EZR: variants seen among roughly 807,000 people sequenced by gnomAD.
The protein encoded by EZR is cytovillin 2.
A neutral mutation model predicts 74.8 loss-of-function variants in EZR; 40 were observed. That is an observed-to-expected ratio of 0.53 (90% confidence interval 0.42 to 0.70). The LOEUF (loss-of-function observed/expected upper bound fraction) is 0.70, where lower values mean the gene tolerates loss of function less well. Ranked by LOEUF, EZR falls within the 30% of genes least tolerant of loss-of-function variation. The pLI is 0.00. For missense variants in EZR, 678 were observed against 755.8 expected (o/e 0.90, Z 1.21); for synonymous variants, 341 against 283.3 (o/e 1.20, Z -2.05).
chr6:158,804,284 AAAAG>A, intron 2 of EZR, among the ~76,000 whole-genome samples: 1 of 152,358 alleles, frequency 6.6e-6, no homozygotes, highest in East Asian at 1.9e-4. Context: ...TAAGAAAGGG[AAAAG>A]AAATAATCAA....
At position 158,776,513 on chromosome 6, in the gene EZR, A is replaced by G; in HGVS notation, c.699-9T>C. 1 of 1,600,558 alleles carries G rather than the reference A, an allele frequency of 6.2e-7. No homozygotes were observed. The highest frequency in any genetic ancestry group is 8.5e-7 in the Non-Finnish European group (1 of 1,171,352). On this transcript the variant is annotated splice_polypyrimidine_tract_variant and intron_variant, in intron 7 of 13. Coordinates refer to ENST00000367075, the MANE Select transcript of EZR (RefSeq NM_001111077.2). Reference sequence around the variant, plus strand: ...CAATCTTTGGGGTTAACCTGAGGTTAAAAAGAAGAAGTGGATGGTTAGATG... The same window carrying G: ...CAATCTTTGGGGTTAACCTGAGGTTGAAAAGAAGAAGTGGATGGTTAGATG...
chr6:158,791,871 G>A (rs1791757802), intron 2 of EZR, among the ~76,000 whole-genome samples: 1 of 151,788 alleles, frequency 6.6e-6, no homozygotes, highest in Non-Finnish European at 1.5e-5. Flanking sequence ...ACAACACCCA[G>A]CTAATTTTTT....
intron 2 of EZR, among the ~76,000 whole-genome samples, chr6:158,800,918 C>T (rs1180787842): frequency 6.6e-6 from 1 of 152,146 alleles, no homozygotes; most frequent in Non-Finnish European, 1.5e-5. Context: ...TTAAATTATA[C>T]CTGATTATTT....
intron 2 of EZR, among the ~76,000 whole-genome samples, chr6:158,797,518 T>C (rs753383662): frequency 5.3e-5 from 8 of 152,158 alleles, no homozygotes; most frequent in Non-Finnish European, 1.0e-4. Context: ...TGACCTTCCA[T>C]ATCATTTAAA....
In EZR at chr6:158,776,326, G is replaced by T; in HGVS notation, c.795+82C>A. The stretch of plus-strand genomic sequence containing the variant: ...GAGTTTGGACTATCACTGGCTACTC[G>T]TCACAGTATAACTTGTCCGTTACCC... On this transcript the variant is annotated intron_variant, in intron 8 of 13. Transcript: ENST00000367075. 5 of 1,153,254 alleles carry T rather than the reference G, an allele frequency of 4.3e-6. No homozygotes were observed. The East Asian group carries it at 1.2e-4, about 27-fold the overall frequency. The allele number at this position is 1,153,254 out of a possible 1,614,324, so 71.4% of individuals were successfully genotyped here. A position where few individuals can be genotyped will look rare whatever the true frequency, so the allele number is the denominator to read the frequency against.
At chr6:158,792,957 T>A (rs1356790794) in intron 2 of EZR, among the ~76,000 whole-genome samples, 1 of 152,116 alleles carries the variant, frequency 6.6e-6, no homozygotes, top group Non-Finnish European at 1.5e-5. Context: ...CAAAATTTTT[T>A]ACCTATGCTC....
chr6:158,771,329 T>C lies in EZR; in HGVS notation c.874A>G (p.Met292Val), dbSNP rs1791102243. Residue 292 changes from methionine (M) to valine (V), a missense_variant, in exon 9 of 14, where the codon ATG (methionine) becomes GTG (valine). Coordinates refer to ENST00000367075, the MANE Select transcript of EZR (RefSeq NM_001111077.2). ...ATGGTGTCAGGCTTCCTGCGGCGCA[T>C]ATACAACTCATGGTTGCCCATGCAG... is the stretch of plus-strand genomic sequence containing the variant. The part of the protein sequence containing the change: ...QLCMGNHELY[M>V]RRRKPDTIEV... The C allele has an allele frequency of 6.2e-7, 1 of 1,614,072 alleles. No homozygotes were observed. The highest frequency in any genetic ancestry group is 1.3e-5 in the African/African-American group (1 of 74,916).
chr6:158,769,761 C>T (rs2128564686), intron 11 of EZR, 23 bp downstream of exon 11: 1 of 1,612,978 alleles, frequency 6.2e-7, no homozygotes. Flanking sequence ...AATTCAGCAT[C>T]TTGAAACTCA....
In EZR at chr6:158,767,003, T is replaced by A; in HGVS notation, c.1672A>T (p.Met558Leu). 1.2e-5 allele frequency: 20 copies of A among 1,614,230 alleles called. No homozygotes were observed. The highest frequency in any genetic ancestry group is 1.4e-5 in the Non-Finnish European group (17 of 1,180,042). ...THNDIIHNEN[M>L]RQGRDKYKTL... ...TTGTACTTGTCCCGGCCTTGCCTCA[T>A]GTTCTCGTTGTGGATGATGTCATTG... Residue 558 changes from methionine (M) to leucine (L), a missense_variant, in exon 14 of 14, where the codon ATG becomes TTG. Physicochemically the swap from Met to Leu is conservative, Grantham distance 15. Transcript: ENST00000367075.
At chr6:158,809,238 C>A (rs939575695) in intron 2 of EZR, among the ~76,000 whole-genome samples, 1 of 150,568 alleles carries the variant, frequency 6.6e-6, no homozygotes, top group African/African-American at 2.4e-5. Flanking sequence ...AGAGATGGAG[C>A]TGTACTTTAG....
chr6:158,793,082 A>T (rs966600456), intron 2 of EZR, among the ~76,000 whole-genome samples: 1 of 151,774 alleles, frequency 6.6e-6, no homozygotes, highest in Admixed American at 6.6e-5. Flanking sequence ...GCACTGTGGG[A>T]AACCAAGGCA....
chr6:158,785,218 G>C (rs1007035643), intron 5 of EZR, 91 bp downstream of exon 5: 9 of 1,507,734 alleles, frequency 6.0e-6, no homozygotes, highest in Non-Finnish European at 8.1e-6. Context: ...CGAAGTCCTT[G>C]TGTTTTTAAA....
chr6:158,796,049 G>C (rs887753840), intron 2 of EZR, among the ~76,000 whole-genome samples: 4 of 152,182 alleles, frequency 2.6e-5, no homozygotes, highest in African/African-American at 4.8e-5. Flanking sequence ...CAGTAGAGGT[G>C]TAAGTACCCC....
At chr6:158,785,611 A>C (rs1199717163) in intron 4 of EZR, 28 bp from the exon 5 acceptor site, 1 of 1,606,774 alleles carries the variant, frequency 6.2e-7, no homozygotes, top group Non-Finnish European at 8.5e-7. Context: ...CACTCTCCAC[A>C]CAAATCCGGA....
intron 7 of EZR, among the ~76,000 whole-genome samples, chr6:158,782,064 G>A (rs1272708170): frequency 6.6e-6 from 1 of 152,060 alleles, no homozygotes; most frequent in Non-Finnish European, 1.5e-5. Flanking sequence ...TGGCTTTTCC[G>A]TGCTTCTTTA....
rs964859600 is a variant in EZR, at chr6:158,790,695, CCCA to C, written c.13-1327_13-1325del. Among the ~76,000 whole-genome samples the C allele has an allele frequency of 5.4e-5, 8 of 148,726 alleles. No homozygotes were observed. The South Asian group carries it at 6.3e-4, about 12-fold the overall frequency. On this transcript the variant is annotated intron_variant, in intron 2 of 13. Coordinates refer to ENST00000367075, the MANE Select transcript of EZR (RefSeq NM_001111077.2). ...TCTCAAAACAAACAAACAAAAAAAA[CCCA>C]CCACCACAACAACAAAACAACCCAC...
At chr6:158,811,563 T>C (rs918782839) in intron 2 of EZR, among the ~76,000 whole-genome samples, 4 of 152,230 alleles carry the variant, frequency 2.6e-5, no homozygotes, top group African/African-American at 7.2e-5. Flanking sequence ...CAACATTTGT[T>C]AGAAATCACA....
At chr6:158,781,877 C>T (rs974183642) in intron 7 of EZR, among the ~76,000 whole-genome samples, 3 of 152,184 alleles carry the variant, frequency 2.0e-5, no homozygotes, top group Non-Finnish European at 4.4e-5. Context: ...GATCCTCCCA[C>T]CTCAGCCACC....
chr6:158,769,300 CGGA>C (rs1562489232), intron 12 of EZR, 23 bp downstream of exon 12: 6 of 1,599,494 alleles, frequency 3.8e-6, no homozygotes, highest in Non-Finnish European at 5.1e-6. Flanking sequence ...TGTGGCCGTG[CGGA>C]GGTGTCCCCC....
Sources: allele counts gnomAD v4.1 joint callset (sites outside exome capture counted in the v4.1 genomes callset), GRCh38; gene constraint gnomAD v4.1.1; transcripts MANE v1.5; gene names NCBI Gene and HGNC (gene_info 2026-07-23, HGNC 2026-07-21).